Variants in PGM2L1 observed in about 807,000 individuals in gnomAD.
PGM2L1 encodes glucose 1,6-bisphosphate synthase.
In PGM2L1, 35 loss-of-function variants were observed where a neutral mutation model predicts 73.4. The ratio of observed to expected loss-of-function variants is 0.48; its 90% confidence interval spans 0.36 to 0.63. The LOEUF (loss-of-function observed/expected upper bound fraction) is 0.63. Among genes scored for constraint, PGM2L1 ranks in the 30% least tolerant of loss-of-function variants. The pLI is 0.00. For missense variants in PGM2L1, 570 were observed against 742.0 expected, an observed-to-expected ratio of 0.77 and a Z score of 2.69; for synonymous variants, 225 against 253.8, an observed-to-expected ratio of 0.89 and a Z score of 1.08.
chr11:74,361,890 G>A (rs908110555), intron 5 of PGM2L1, among the ~76,000 whole-genome samples: 1 of 152,122 alleles, frequency 6.6e-6, no homozygotes, highest in African/African-American at 2.4e-5. Flanking sequence ...AAGAAATATG[G>A]GACTATGTGA....
At chr11:74,394,768 A>C (rs1262938424) in intron 1 of PGM2L1, among the ~76,000 whole-genome samples, 1 of 152,230 alleles carries the variant, frequency 6.6e-6, no homozygotes, top group Non-Finnish European at 1.5e-5. Context: ...TTTTTCATAA[A>C]GACTTTTCAA....
rs596976 is a variant in PGM2L1, at chr11:74,332,663, G to A, written c.*3989C>T. The A allele has an allele frequency of 0.72, 110,094 of 152,412 alleles. 39,959 individuals carry two copies. The highest frequency in any genetic ancestry group is 0.81 in the East Asian group (4,182 of 5,172). The allele number at this position is 152,412 out of a possible 1,614,324, so 9.4% of individuals were successfully genotyped here. On this transcript the variant is annotated 3_prime_UTR_variant, in exon 14 of 14. Transcript: ENST00000298198. ...ATATCAATGGAAAATGTGGAAAAAA[G>A]TACTGATAGCAGCAGCTCATAGAAC... is the stretch of plus-strand genomic sequence containing the variant.
In PGM2L1 at chr11:74,336,430, T is replaced by G. The variant is rs760299832; in HGVS notation, c.*222A>C. On this transcript the variant is annotated 3_prime_UTR_variant, in exon 14 of 14. Transcript: ENST00000298198. ...ATACTTTTAGTGTAATAACTTTTGTTTGAATTATGAAAAAATTTGAATCAT... is the reference window on the plus strand; with the variant it reads ...ATACTTTTAGTGTAATAACTTTTGTGTGAATTATGAAAAAATTTGAATCAT... The G allele has an allele frequency of 3.0e-6, 1 of 331,718 alleles. No individual in the cohort carries two copies. Among genetic ancestry groups the G allele is most frequent in the Non-Finnish European group, 5.5e-6 (1 of 182,600 alleles). 20.5% of individuals were successfully genotyped at this position (331,718 alleles called of 1,614,324 possible).
rs147001260 is a variant in PGM2L1 at position 74,334,631 on chromosome 11, C to T, written c.*2021G>A. 6.6e-6 allele frequency: 1 copy of T among 152,280 alleles called. No homozygotes were observed. The highest frequency in any genetic ancestry group is 2.4e-5 in the African/African-American group (1 of 41,556). 9.4% of individuals were successfully genotyped at this position (152,280 alleles called of 1,614,324 possible). ...CAATAGTGGCAATACAATAGTTGGA[C>T]AATTAGGTTTGGATTATATGAGCTC... On this transcript the variant is annotated 3_prime_UTR_variant, in exon 14 of 14. Coordinates refer to ENST00000298198, the MANE Select transcript of PGM2L1 (RefSeq NM_173582.6).
At chr11:74,396,906 T>C (rs1263857082) in intron 1 of PGM2L1, among the ~76,000 whole-genome samples, 1 of 152,236 alleles carries the variant, frequency 6.6e-6, no homozygotes, top group Non-Finnish European at 1.5e-5. Context: ...TAGTTGCTTA[T>C]TTGTTGGTCT....
intron 5 of PGM2L1, 141 bp downstream of exon 5, chr11:74,368,351 G>A (rs1205879231): frequency 3.2e-6 from 2 of 621,220 alleles, no homozygotes; most frequent in East Asian, 5.7e-5. Flanking sequence ...CACATTCTTT[G>A]AGGACCAGCC....
intron 1 of PGM2L1, among the ~76,000 whole-genome samples, chr11:74,387,852 G>A (rs967562889): frequency 2.0e-5 from 3 of 152,270 alleles, no homozygotes; most frequent in Admixed American, 6.5e-5. Flanking sequence ...AGATAAAGCT[G>A]CAGACATCAT....
rs1862088447 is a variant in PGM2L1 at position 74,335,916 on chromosome 11, G to T, written c.*736C>A. On this transcript the variant is annotated 3_prime_UTR_variant, in exon 14 of 14. Transcript: ENST00000298198. The stretch of plus-strand genomic sequence containing the variant: ...AAATTATGGTAAATGCAGGAACACT[G>T]TTTTTTCTGTTCACACCAGACCCTG... 1 of 152,636 alleles carries T rather than the reference G, an allele frequency of 6.6e-6. No individual in the cohort carries two copies. The highest frequency in any genetic ancestry group is 1.5e-5 in the Non-Finnish European group (1 of 68,040). 9.5% of individuals were successfully genotyped at this position (152,636 alleles called of 1,614,324 possible). A position where few individuals can be genotyped will look rare whatever the true frequency, so the allele number is the denominator to read the frequency against.
intron 12 of PGM2L1, 45 bp from the exon 13 acceptor site, chr11:74,338,646 T>C: frequency 2.0e-6 from 3 of 1,520,798 alleles, no homozygotes; most frequent in Non-Finnish European, 2.7e-6. Context: ...TGGCATCTTT[T>C]TCATTTTCTT....
intron 5 of PGM2L1, among the ~76,000 whole-genome samples, chr11:74,362,833 A>T (rs1862587422): frequency 6.6e-6 from 1 of 152,202 alleles, no homozygotes; most frequent in Non-Finnish European, 1.5e-5. Context: ...GATCAACGAG[A>T]CAGAAAGTTA....
chr11:74,388,783 A>C (rs551454765), intron 1 of PGM2L1, among the ~76,000 whole-genome samples: 8 of 152,320 alleles, frequency 5.3e-5, no homozygotes, highest in Middle Eastern at 3.4e-3. Context: ...GATTGGTGAC[A>C]CTATCTCACT....
chr11:74,348,207 G>A (rs1189084964), intron 6 of PGM2L1, among the ~76,000 whole-genome samples: 13 of 151,984 alleles, frequency 8.6e-5, no homozygotes, highest in Admixed American at 2.0e-4. Flanking sequence ...ATTCTCTCTC[G>A]CCGGCATCAT....
intron 6 of PGM2L1, 62 bp from the exon 7 acceptor site, chr11:74,347,399 AAAC>A: frequency 7.7e-7 from 1 of 1,292,766 alleles, no homozygotes; most frequent in South Asian, 1.8e-5. Flanking sequence ...ATATAATTAA[AAAC>A]AATCAAATTC....
At chr11:74,343,712 C>G (rs886243524) in intron 9 of PGM2L1, among the ~76,000 whole-genome samples, 1 of 148,110 alleles carries the variant, frequency 6.8e-6, no homozygotes, top group African/African-American at 2.5e-5. Context: ...TAAGCACATA[C>G]AGTATAATCA....
intron 9 of PGM2L1, 120 bp downstream of exon 9, chr11:74,345,349 G>T (rs1362485514): frequency 1.0e-6 from 1 of 999,928 alleles, no homozygotes; most frequent in Non-Finnish European, 1.4e-6. Context: ...AGTGTTAACA[G>T]AATTAGAAAA....
At chr11:74,351,345 T>C (rs1862349709) in intron 6 of PGM2L1, 38 bp downstream of exon 6, 1 of 1,536,624 alleles carries the variant, frequency 6.5e-7, no homozygotes, top group East Asian at 2.2e-5. Context: ...TTTAACGTTA[T>C]TCTGAAGTAG....
intron 5 of PGM2L1, among the ~76,000 whole-genome samples, chr11:74,368,004 ATTC>A (rs1360211874): frequency 1.3e-5 from 2 of 152,088 alleles, no homozygotes; most frequent in African/African-American, 4.8e-5. Context: ...ACTGTGCTGC[ATTC>A]TTCTATTTCC....
At chr11:74,336,914 A>T (rs1862106569) in intron 13 of PGM2L1, among the ~76,000 whole-genome samples, 160 bp from the exon 14 acceptor site, 1 of 152,218 alleles carries the variant, frequency 6.6e-6, no homozygotes, top group African/African-American at 2.4e-5. Context: ...CAAAAAAAAA[A>T]ATTACACACA....
chr11:74,360,247 T>C (rs1253358060), intron 5 of PGM2L1, among the ~76,000 whole-genome samples: 1 of 85,974 alleles, frequency 1.2e-5, no homozygotes, highest in Admixed American at 1.4e-4. Flanking sequence ...AAAAATAAAA[T>C]AAAATAAAAG....
Sources: allele counts gnomAD v4.1 joint callset (sites outside exome capture counted in the v4.1 genomes callset), GRCh38; gene constraint gnomAD v4.1.1; transcripts MANE v1.5; gene names NCBI Gene and HGNC (gene_info 2026-07-23, HGNC 2026-07-21).